Variants in CTNND2 observed in about 807,000 individuals in gnomAD.
The protein encoded by CTNND2 is catenin delta-2.
In CTNND2, 22 loss-of-function variants were observed where a neutral mutation model predicts 144.4. The observed-to-expected ratio is 0.15, with a 90% CI of 0.11 to 0.22. The LOEUF (loss-of-function observed/expected upper bound fraction) is 0.22. Among genes scored for constraint, CTNND2 ranks in the 10% least tolerant of loss-of-function variants. The pLI is 1.00. For missense variants in CTNND2, 1,353 were observed against 1,618.8 expected (o/e 0.84, Z 2.82); for synonymous variants, 751 against 695.6 (o/e 1.08, Z -1.25).
rs1044784148 is a variant in CTNND2 at position 11,889,450 on chromosome 5, A to G, written c.37+14367T>C. 5.0e-4 allele frequency among the ~76,000 whole-genome samples: 76 copies of G among 152,250 alleles called. 1 individual carries two copies. The highest frequency in any genetic ancestry group is 1.6e-3 in the African/African-American group (68 of 41,468). ...ATTAGTGTTTGAGTGGGTAGCCACAATTAAACACCAAAGGGCAACTACCTT... is the reference window on the plus strand; with the variant it reads ...ATTAGTGTTTGAGTGGGTAGCCACAGTTAAACACCAAAGGGCAACTACCTT... On this transcript the variant is annotated intron_variant, in intron 1 of 21. Transcript: ENST00000304623.
chr5:11,082,561 A>G, intron 16 of CTNND2, 135 bp downstream of exon 16: 1 of 984,336 alleles, frequency 1.0e-6, no homozygotes, highest in South Asian at 1.8e-5. Context: ...GAAGGACAGC[A>G]GAAAAAATGA....
intron 2 of CTNND2, among the ~76,000 whole-genome samples, chr5:11,591,691 T>TA (rs2150143327): frequency 6.6e-6 from 1 of 152,302 alleles, no homozygotes; most frequent in African/African-American, 2.4e-5. Context: ...AACTTTCCCT[T>TA]ACATCACCTG....
At chr5:11,026,394 G>A (rs1054734526) in intron 16 of CTNND2, among the ~76,000 whole-genome samples, 1 of 124,982 alleles carries the variant, frequency 8.0e-6, no homozygotes, top group Non-Finnish European at 1.6e-5. Context: ...GTCTCACTCT[G>A]TTGTCCAGGC....
intron 10 of CTNND2, among the ~76,000 whole-genome samples, chr5:11,220,143 C>T (rs1739640309): frequency 6.6e-6 from 1 of 152,094 alleles, no homozygotes; most frequent in Non-Finnish European, 1.5e-5. Context: ...AAACATTTAA[C>T]TCCTGGTATG....
rs941854442 is a variant in CTNND2, at chr5:11,717,704, C to T, written c.174+14432G>A. Among the ~76,000 whole-genome samples, 10 of 152,006 alleles carry T rather than the reference C, an allele frequency of 6.6e-5. No individual in the cohort carries two copies. In the South Asian group the frequency reaches 8.3e-4, roughly 13 times the overall value. ...AGAAGGCAAAGGAGAAGGAAAGTCA[C>T]GTCTTACATGGGGGCAGGCGAAAGA... On this transcript the variant is annotated intron_variant, in intron 2 of 21. Coordinates refer to ENST00000304623, the MANE Select transcript of CTNND2 (RefSeq NM_001332.4).
chr5:11,096,343 T>C (rs1377953826), intron 15 of CTNND2, among the ~76,000 whole-genome samples: 1 of 150,896 alleles, frequency 6.6e-6, no homozygotes, highest in East Asian at 1.9e-4. Context: ...GGCCCCGGTG[T>C]GTGATGTTCT....
At chr5:11,405,530 T>C (rs1761019322) in intron 5 of CTNND2, among the ~76,000 whole-genome samples, 1 of 150,978 alleles carries the variant, frequency 6.6e-6, no homozygotes. Flanking sequence ...TGCAGTGAGA[T>C]GAGACTGCAC....
intron 3 of CTNND2, among the ~76,000 whole-genome samples, chr5:11,481,154 A>G (rs1768227785): frequency 6.6e-6 from 1 of 152,178 alleles, no homozygotes; most frequent in African/African-American, 2.4e-5. Context: ...ATAATAACAA[A>G]AAGGTGCACA....
intron 1 of CTNND2, among the ~76,000 whole-genome samples, chr5:11,754,480 C>T (rs1423448920): frequency 2.6e-5 from 4 of 151,310 alleles, no homozygotes; most frequent in African/African-American, 7.3e-5. Flanking sequence ...TAGATCTATT[C>T]GGTCAAGTGT....
At chr5:11,183,245 C>T (rs183563882) in intron 11 of CTNND2, among the ~76,000 whole-genome samples, 57 of 152,274 alleles carry the variant, frequency 3.7e-4, no homozygotes, top group African/African-American at 1.3e-3. Context: ...CCTAAATGAT[C>T]CATGTTCATC....
intron 2 of CTNND2, among the ~76,000 whole-genome samples, chr5:11,642,003 A>T (rs1318390861): frequency 6.6e-6 from 1 of 152,106 alleles, no homozygotes. Context: ...TTCTCTCATT[A>T]AGGTTTAGGG....
chr5:11,470,980 A>ATATATATATATATATATATATATAT (rs1219093645), intron 3 of CTNND2, among the ~76,000 whole-genome samples: 5 of 91,532 alleles, frequency 5.5e-5, no homozygotes, highest in Admixed American at 1.2e-4. Flanking sequence ...ATATATATAT[A>ATATATATATATATATATATATATAT]TTTTTTTTTT....
chr5:11,720,622 C>G (rs2126716024), intron 2 of CTNND2, among the ~76,000 whole-genome samples: 1 of 152,280 alleles, frequency 6.6e-6, no homozygotes, highest in East Asian at 1.9e-4. Context: ...TTTCTATATT[C>G]TTCACAGGTG....
At chr5:10,991,308 C>T (rs1170334402) in intron 19 of CTNND2, among the ~76,000 whole-genome samples, 2 of 152,300 alleles carry the variant, frequency 1.3e-5, no homozygotes, top group South Asian at 2.1e-4. Context: ...TGCTCTCTAC[C>T]AGGTCCTCCC....
intron 1 of CTNND2, among the ~76,000 whole-genome samples, chr5:11,806,508 A>C (rs1431126818): frequency 6.6e-6 from 1 of 152,180 alleles, no homozygotes; most frequent in Non-Finnish European, 1.5e-5. Flanking sequence ...ATATTCAATC[A>C]AAATTTGTTT....
At chr5:11,114,907 C>T (rs1174421490) in intron 13 of CTNND2, among the ~76,000 whole-genome samples, 3 of 152,174 alleles carry the variant, frequency 2.0e-5, no homozygotes, top group Non-Finnish European at 4.4e-5. Context: ...ACATTAAAAC[C>T]CAATAGCACA....
intron 9 of CTNND2, among the ~76,000 whole-genome samples, chr5:11,244,870 G>A (rs1461974751): frequency 1.3e-5 from 2 of 152,190 alleles, no homozygotes; most frequent in African/African-American, 4.8e-5. Context: ...GCTCCACCCA[G>A]CCAGCAGCTC....
intron 3 of CTNND2, among the ~76,000 whole-genome samples, chr5:11,531,886 T>A (rs1451556395): frequency 6.6e-6 from 1 of 152,234 alleles, no homozygotes; most frequent in Admixed American, 6.5e-5. Flanking sequence ...GCACTTTTTA[T>A]ATTTTATTTG....
chr5:11,777,590 C>A (rs1454199937), intron 1 of CTNND2, among the ~76,000 whole-genome samples: 2 of 152,060 alleles, frequency 1.3e-5, no homozygotes, highest in Non-Finnish European at 2.9e-5. Flanking sequence ...TAGACAGAGG[C>A]CAGCATAAAA....
Sources: allele counts gnomAD v4.1 joint callset (sites outside exome capture counted in the v4.1 genomes callset), GRCh38; gene constraint gnomAD v4.1.1; transcripts MANE v1.5; gene names NCBI Gene and HGNC (gene_info 2026-07-23, HGNC 2026-07-21).